EFCAB3: variants seen among roughly 807,000 people sequenced by gnomAD.
EFCAB3 encodes the protein EF-hand calcium binding domain 3.
EFCAB3 carries 36 observed loss-of-function variants against 42.2 expected under a neutral mutation model. The ratio of observed to expected loss-of-function variants is 0.85; its 90% confidence interval spans 0.65 to 1.13. EFCAB3 has a LOEUF of 1.13. EFCAB3 is among the 50% of genes most tolerant of loss of function. EFCAB3 has a pLI of 0.00. For missense variants in EFCAB3, 418 were observed against 505.1 expected, an observed-to-expected ratio of 0.83 and a Z score of 1.65; for synonymous variants, 170 against 172.8, an observed-to-expected ratio of 0.98 and a Z score of 0.13.
In EFCAB3 at chr17:62,416,095, G is replaced by T. The variant is rs1381427849; in HGVS notation, c.1083G>T (p.Leu361Phe). The change falls in exon 10 of 10, where the codon TTG (leucine) becomes TTT (phenylalanine). Residue 361 changes from leucine (L) to phenylalanine (F), a missense_variant. Coordinates refer to ENST00000305286, the MANE Select transcript of EFCAB3 (RefSeq NM_173503.4). ...TCTGGCAGAAGATCCGAGGGGATTT[G>T]ATTGGGATGGACTCTAGAAATGAGT... ...LNLWQKIRGD[L>F]IGMDSRNESF... is the part of the protein sequence containing the mutation. 1.9e-6 allele frequency: 3 copies of T among 1,613,984 alleles called. No individual in the cohort carries two copies. In the Admixed American group the frequency reaches 5.0e-5, roughly 27 times the overall value.
At chr17:62,413,396 A>G (rs569340132) in intron 8 of EFCAB3, among the ~76,000 whole-genome samples, 2 of 152,358 alleles carry the variant, frequency 1.3e-5, no homozygotes, top group African/African-American at 4.8e-5. Flanking sequence ...AAACATGGGT[A>G]TACTCATAAG....
At chr17:62,414,977 G>A (rs113424928) in intron 9 of EFCAB3, among the ~76,000 whole-genome samples, 3,852 of 151,918 alleles carry the variant, frequency 0.025, 70 homozygotes, top group Middle Eastern at 0.051. Context: ...GGTCGTGGGC[G>A]CCTGTAATCC....
chr17:62,381,158 C>A (rs2070194344), intron 1 of EFCAB3, among the ~76,000 whole-genome samples: 1 of 120,612 alleles, frequency 8.3e-6, no homozygotes, highest in Non-Finnish European at 1.7e-5. Context: ...CTCCCCCCAC[C>A]CCACAACAGG....
chr17:62,382,852 T>A lies in EFCAB3; in HGVS notation c.-17-111T>A, dbSNP rs1009092292. The A allele has an allele frequency of 6.0e-5, 50 of 827,236 alleles. No homozygotes were observed. The South Asian group carries it at 8.2e-4, about 14-fold the overall frequency. 51.2% of individuals were successfully genotyped at this position (827,236 alleles called of 1,614,324 possible). A position where few individuals can be genotyped will look rare whatever the true frequency, so the allele number is the denominator to read the frequency against. ...ACTTGAGTTTGCATCTATTACCATT[T>A]CTTGAGGCCCTAGACTTTTCAAACT... On this transcript the variant is annotated intron_variant, in intron 1 of 9. Coordinates refer to ENST00000305286, the MANE Select transcript of EFCAB3 (RefSeq NM_173503.4).
At chr17:62,402,554 GT>G (rs1428079513) in intron 6 of EFCAB3, among the ~76,000 whole-genome samples, 1 of 152,100 alleles carries the variant, frequency 6.6e-6, no homozygotes. Context: ...TCATCATGTG[GT>G]TTTTGTCTTT....
chr17:62,376,439 G>A (rs1459298962), upstream of EFCAB3, among the ~76,000 whole-genome samples: 1 of 152,158 alleles, frequency 6.6e-6, no homozygotes. Context: ...ACTCCAGCCT[G>A]GGTGACAGAG....
intron 8 of EFCAB3, among the ~76,000 whole-genome samples, chr17:62,408,174 GT>G (rs1319552132): frequency 2.0e-5 from 3 of 152,072 alleles, no homozygotes; most frequent in African/African-American, 7.2e-5. Flanking sequence ...GTACACAAGG[GT>G]TGTATTTCTT....
At chr17:62,393,702 A>G in intron 5 of EFCAB3, 58 bp downstream of exon 5, 2 of 1,452,162 alleles carry the variant, frequency 1.4e-6, no homozygotes, top group Non-Finnish European at 1.9e-6. Context: ...ACTGCACAGC[A>G]AACATCATTC....
chr17:62,398,441 G>A (rs963804759), intron 6 of EFCAB3, among the ~76,000 whole-genome samples: 2 of 144,430 alleles, frequency 1.4e-5, no homozygotes, highest in African/African-American at 5.3e-5. Flanking sequence ...ACAACAGAGT[G>A]AGACTTAGTC....
At chr17:62,370,268 A>G in exon 1 of EFCAB3, 2 of 1,551,568 alleles carry the variant, frequency 1.3e-6, no homozygotes, top group Non-Finnish European at 1.7e-6. Context: ...AAGCGAAGGG[A>G]TTGAGCTCAC....
chr17:62,402,012 G>T (rs1598017651), intron 6 of EFCAB3, among the ~76,000 whole-genome samples: 1 of 152,144 alleles, frequency 6.6e-6, no homozygotes, highest in Admixed American at 6.5e-5. Context: ...CACATCCCTT[G>T]TAAGTTGGAT....
chr17:62,378,886 C>A (rs901181784), upstream of EFCAB3, among the ~76,000 whole-genome samples: 19 of 150,466 alleles, frequency 1.3e-4, no homozygotes, highest in Non-Finnish European at 2.2e-4. Flanking sequence ...AACAAACCTG[C>A]ACGTTCTGCA....
At chr17:62,371,415 G>A (rs1002982911) in intron 1 of EFCAB3, among the ~76,000 whole-genome samples, 2 of 151,888 alleles carry the variant, frequency 1.3e-5, no homozygotes, top group African/African-American at 2.4e-5. Flanking sequence ...AAAATTAGCC[G>A]GGCTTGGTGG....
At chr17:62,415,185 C>T (rs1397239385) in intron 9 of EFCAB3, among the ~76,000 whole-genome samples, 1 of 152,104 alleles carries the variant, frequency 6.6e-6, no homozygotes, top group African/African-American at 2.4e-5. Context: ...TTACCACTGC[C>T]TTAGATGAGG....
At chr17:62,388,296 T>A (rs555162969) in intron 3 of EFCAB3, among the ~76,000 whole-genome samples, 91 of 152,308 alleles carry the variant, frequency 6.0e-4, no homozygotes, top group African/African-American at 1.9e-3. Context: ...TGGAGTGTTA[T>A]AGGAGCTTAA....
At chr17:62,394,037 C>A (rs1225024630) in intron 5 of EFCAB3, among the ~76,000 whole-genome samples, 2 of 151,820 alleles carry the variant, frequency 1.3e-5, no homozygotes, top group Non-Finnish European at 2.9e-5. Context: ...TCACTGCAAG[C>A]TCCGCCCCCC....
intron 2 of EFCAB3, chr17:62,373,988 C>A: frequency 4.0e-6 from 2 of 504,740 alleles, no homozygotes; most frequent in Non-Finnish European, 6.8e-6. Flanking sequence ...CTATATTTAG[C>A]AAATGAAAAG....
intron 2 of EFCAB3, 22 bp downstream of exon 2, chr17:62,383,075 G>A (rs190724331): frequency 6.4e-7 from 1 of 1,571,686 alleles, no homozygotes; most frequent in African/African-American, 1.4e-5. Flanking sequence ...ATGATTAAGG[G>A]TGATAAATGT....
chr17:62,388,197 C>T (rs2070272063), intron 3 of EFCAB3, among the ~76,000 whole-genome samples: 1 of 151,146 alleles, frequency 6.6e-6, no homozygotes, highest in African/African-American at 2.4e-5. Flanking sequence ...GGCGACAAAG[C>T]GAGACTACGT....
Sources: allele counts gnomAD v4.1 joint callset (sites outside exome capture counted in the v4.1 genomes callset), GRCh38; gene constraint gnomAD v4.1.1; transcripts MANE v1.5; gene names NCBI Gene and HGNC (gene_info 2026-07-23, HGNC 2026-07-21).